DRC11: variants seen among roughly 807,000 people sequenced by gnomAD.
DRC11 encodes the protein IQ and AAA domain-containing protein 1.
the DRC11 span, among the ~76,000 whole-genome samples, chr2:236,425,318 TTTG>T: frequency 6.6e-6 from 1 of 151,972 alleles, no homozygotes. Context: ...CTTGCCAACA[TTTG>T]TTGTCTTTTG....
the DRC11 span, chr2:236,487,965 CT>C: frequency 2.0e-6 from 3 of 1,473,304 alleles, no homozygotes; most frequent in South Asian, 1.4e-5. Flanking sequence ...TATAAGGCAC[CT>C]TGTACCCCAA....
the DRC11 span, among the ~76,000 whole-genome samples, chr2:236,399,248 C>T: frequency 1.3e-5 from 2 of 152,090 alleles, no homozygotes; most frequent in Admixed American, 6.5e-5. This position sits in a 1 kb window ranked among gnomAD's most constrained non-coding sequence, Gnocchi z 7.0. Flanking sequence ...CCTCGGCCTC[C>T]CAAAGTGCTG....
chr2:236,334,670 G>T, the DRC11 span, among the ~76,000 whole-genome samples: 1 of 152,092 alleles, frequency 6.6e-6, no homozygotes, highest in African/African-American at 2.4e-5. The surrounding 1 kb of genome is among the most constrained non-coding windows in gnomAD (Gnocchi z 7.8). Context: ...CTTGGCTGGC[G>T]CTCGAGATGA....
chr2:236,337,755 T>A, the DRC11 span, among the ~76,000 whole-genome samples: 1 of 152,138 alleles, frequency 6.6e-6, no homozygotes, highest in Non-Finnish European at 1.5e-5. The surrounding 1 kb of genome is among the most constrained non-coding windows in gnomAD (Gnocchi z 4.9). Context: ...GCTCTCGTTG[T>A]ATTTTAATGT....
chr2:236,401,528 C>T, the DRC11 span, among the ~76,000 whole-genome samples: 1 of 152,166 alleles, frequency 6.6e-6, no homozygotes, highest in African/African-American at 2.4e-5. The surrounding 1 kb of genome is among the most constrained non-coding windows in gnomAD (Gnocchi z 4.6). Flanking sequence ...TAGGCTCAAT[C>T]CATGGATAAA....
the DRC11 span, among the ~76,000 whole-genome samples, chr2:236,503,967 A>G: frequency 1.2e-3 from 188 of 152,246 alleles, 1 homozygote; most frequent in African/African-American, 4.4e-3. This position sits in a 1 kb window ranked among gnomAD's most constrained non-coding sequence, Gnocchi z 4.9. Context: ...GAGAATTCAC[A>G]CAGCATAGAA....
chr2:236,380,506 G>T, the DRC11 span: 2 of 1,330,482 alleles, frequency 1.5e-6, no homozygotes, highest in African/African-American at 1.5e-5. This position sits in a 1 kb window ranked among gnomAD's most constrained non-coding sequence, Gnocchi z 4.9. Context: ...CGTACTCGGG[G>T]TTCCCTGTGC....
At chr2:236,506,044 G>C in the DRC11 span, among the ~76,000 whole-genome samples, 2 of 152,136 alleles carry the variant, frequency 1.3e-5, no homozygotes, top group Non-Finnish European at 2.9e-5. The surrounding 1 kb of genome is among the most constrained non-coding windows in gnomAD (Gnocchi z 4.9). Flanking sequence ...AAGGTCACTG[G>C]TGAACTCCAC....
At chr2:236,343,928 T>C in the DRC11 span, among the ~76,000 whole-genome samples, 1 of 152,240 alleles carries the variant, frequency 6.6e-6, no homozygotes, top group Admixed American at 6.5e-5. This position sits in a 1 kb window ranked among gnomAD's most constrained non-coding sequence, Gnocchi z 6.6. Flanking sequence ...TCAAAAGTGA[T>C]TAAAATCCTT....
At chr2:236,369,272 A>G in the DRC11 span, among the ~76,000 whole-genome samples, 1 of 152,252 alleles carries the variant, frequency 6.6e-6, no homozygotes, top group African/African-American at 2.4e-5. The surrounding 1 kb of genome is among the most constrained non-coding windows in gnomAD (Gnocchi z 4.5). Flanking sequence ...TAAGAAAATC[A>G]GAGTTAAAAT....
chr2:236,384,231 C>A, the DRC11 span, among the ~76,000 whole-genome samples: 7 of 152,008 alleles, frequency 4.6e-5, no homozygotes, highest in African/African-American at 1.2e-4. Flanking sequence ...ATCCCTGAGG[C>A]ATCGCCACAC....
At chr2:236,477,101 C>A in the DRC11 span, among the ~76,000 whole-genome samples, 1 of 151,954 alleles carries the variant, frequency 6.6e-6, no homozygotes, top group African/African-American at 2.4e-5. Context: ...GGCTTTGGTA[C>A]CAGACCTTAT....
At chr2:236,408,819 C>T in the DRC11 span, 1 of 662,340 alleles carries the variant, frequency 1.5e-6, no homozygotes, top group African/African-American at 1.8e-5. This position sits in a 1 kb window ranked among gnomAD's most constrained non-coding sequence, Gnocchi z 5.5. Flanking sequence ...CCACAATGCC[C>T]ATAGCCACCA....
chr2:236,400,171 C>T, the DRC11 span, among the ~76,000 whole-genome samples: 1 of 152,206 alleles, frequency 6.6e-6, no homozygotes, highest in African/African-American at 2.4e-5. This position sits in a 1 kb window ranked among gnomAD's most constrained non-coding sequence, Gnocchi z 7.9. Flanking sequence ...GTTCTAGCAC[C>T]AGGGCTGTTC....
At chr2:236,370,059 T>C in the DRC11 span, among the ~76,000 whole-genome samples, 1 of 152,148 alleles carries the variant, frequency 6.6e-6, no homozygotes, top group Non-Finnish European at 1.5e-5. This position sits in a 1 kb window ranked among gnomAD's most constrained non-coding sequence, Gnocchi z 5.5. Context: ...CGCAGATAGA[T>C]TTCATTAAGA....
the DRC11 span, among the ~76,000 whole-genome samples, chr2:236,372,051 C>G: frequency 2.0e-5 from 3 of 152,080 alleles, no homozygotes. The surrounding 1 kb of genome is among the most constrained non-coding windows in gnomAD (Gnocchi z 4.5). Context: ...GTTTTTTAAA[C>G]GTCTAAACCC....
the DRC11 span, among the ~76,000 whole-genome samples, chr2:236,341,808 G>A: frequency 3.3e-5 from 5 of 152,204 alleles, no homozygotes; most frequent in East Asian, 5.8e-4. Context: ...AGCATGACCC[G>A]AGAGCAGCTG....
the DRC11 span, among the ~76,000 whole-genome samples, chr2:236,318,967 T>C: frequency 2.0e-5 from 3 of 151,966 alleles, no homozygotes; most frequent in Non-Finnish European, 4.4e-5. This position sits in a 1 kb window ranked among gnomAD's most constrained non-coding sequence, Gnocchi z 7.0. Context: ...CAAGAGGTGG[T>C]GGACAGACGT....
chr2:236,493,644 C>T, the DRC11 span: 12 of 743,206 alleles, frequency 1.6e-5, no homozygotes, highest in East Asian at 1.1e-4. Context: ...TACTGTATAA[C>T]GAGGGAGGGA....
Sources: allele counts gnomAD v4.1 joint callset (sites outside exome capture counted in the v4.1 genomes callset), GRCh38; gene constraint gnomAD v4.1.1; non-coding constraint Gnocchi (gnomAD v3.1); transcripts MANE v1.5; gene names NCBI Gene and HGNC (gene_info 2026-07-23, HGNC 2026-07-21).